The following PTPRD variants were observed in gnomAD, a reference collection of about 807,000 sequenced individuals.
The protein encoded by PTPRD is protein tyrosine phosphatase receptor type D, also known as receptor-type tyrosine-protein phosphatase delta.
PTPRD carries 34 observed loss-of-function variants against 214.5 expected under a neutral mutation model. The observed-to-expected ratio is 0.16, with a 90% CI of 0.12 to 0.21. The LOEUF (loss-of-function observed/expected upper bound fraction) is 0.21, where lower values mean the gene tolerates loss of function less well. Among genes scored for constraint, PTPRD ranks in the 10% least tolerant of loss-of-function variants. The probability of loss-of-function intolerance (pLI) is 1.00; values close to 1 mark genes in which losing one functional copy is unlikely to be tolerated. For missense variants in PTPRD, 2,545 were observed against 2,398.7 expected, an observed-to-expected ratio of 1.06 and a Z score of -1.27; for synonymous variants, 1,128 against 845.7, an observed-to-expected ratio of 1.33 and a Z score of -5.79.
chr9:8,626,563 T>C (rs2154307857), intron 14 of PTPRD, among the ~76,000 whole-genome samples: 1 of 151,968 alleles, frequency 6.6e-6, no homozygotes, highest in East Asian at 1.9e-4. Flanking sequence ...CAGGGTGTTT[T>C]TGGATGCGAT....
intron 10 of PTPRD, among the ~76,000 whole-genome samples, chr9:9,069,539 AC>A (rs1257381801): frequency 1.3e-5 from 2 of 152,128 alleles, no homozygotes; most frequent in Non-Finnish European, 2.9e-5. Context: ...TCATGATGCT[AC>A]CTTAACTGTT....
intron 34 of PTPRD, among the ~76,000 whole-genome samples, chr9:8,446,159 T>C (rs2095716033): frequency 6.6e-6 from 1 of 152,222 alleles, no homozygotes; most frequent in African/African-American, 2.4e-5. Context: ...CAACGGTGGA[T>C]GGAAATCTAA....
At chr9:8,578,676 C>A (rs2092731056) in intron 14 of PTPRD, among the ~76,000 whole-genome samples, 1 of 152,118 alleles carries the variant, frequency 6.6e-6, no homozygotes, top group African/African-American at 2.4e-5. Context: ...ATCTAAATGG[C>A]AAAGTGTTTG....
chr9:10,412,664 A>G (rs985082122), intron 2 of PTPRD, among the ~76,000 whole-genome samples: 4 of 122,024 alleles, frequency 3.3e-5, no homozygotes, highest in Non-Finnish European at 6.8e-5. Flanking sequence ...ACACACACAC[A>G]CCCCTTGAAG....
intron 37 of PTPRD, among the ~76,000 whole-genome samples, chr9:8,381,096 T>C (rs904971796): frequency 2.0e-5 from 3 of 152,192 alleles, no homozygotes; most frequent in Admixed American, 2.0e-4. Flanking sequence ...TGGGATACCA[T>C]AACTATTGCT....
At chr9:8,584,413 G>A (rs1253068295) in intron 14 of PTPRD, among the ~76,000 whole-genome samples, 1 of 151,140 alleles carries the variant, frequency 6.6e-6, no homozygotes, top group Non-Finnish European at 1.5e-5. Context: ...ATATGTGTGT[G>A]TAGTACATAT....
intron 27 of PTPRD, among the ~76,000 whole-genome samples, chr9:8,489,290 G>C (rs987798833): frequency 6.6e-6 from 1 of 152,058 alleles, no homozygotes; most frequent in Non-Finnish European, 1.5e-5. Context: ...TCTTATCCTG[G>C]GACAGAAAGG....
At chr9:9,504,124 T>C (rs778421336) in intron 8 of PTPRD, among the ~76,000 whole-genome samples, 30 of 151,862 alleles carry the variant, frequency 2.0e-4, no homozygotes, top group Non-Finnish European at 4.1e-4. Context: ...TTACAGAGTC[T>C]CTCTCTATTA....
At chr9:8,780,314 C>A (rs150024044) in intron 11 of PTPRD, among the ~76,000 whole-genome samples, 1 of 152,066 alleles carries the variant, frequency 6.6e-6, no homozygotes, top group African/African-American at 2.4e-5. Flanking sequence ...CCCTTTTCCC[C>A]GAGAGTAGGT....
intron 2 of PTPRD, among the ~76,000 whole-genome samples, chr9:10,553,835 T>C (rs776906529): frequency 6.6e-5 from 10 of 152,244 alleles, no homozygotes; most frequent in Non-Finnish European, 1.2e-4. Flanking sequence ...AATTAATATA[T>C]GTTTTTACTC....
intron 9 of PTPRD, among the ~76,000 whole-genome samples, chr9:9,275,102 A>AT (rs1356178509): frequency 1.6e-5 from 1 of 60,706 alleles, no homozygotes; most frequent in Non-Finnish European, 3.1e-5. Context: ...TTATATATAT[A>AT]ATATATTATA....
At chr9:8,776,984 C>T (rs1173633788) in intron 11 of PTPRD, among the ~76,000 whole-genome samples, 2 of 148,040 alleles carry the variant, frequency 1.4e-5, no homozygotes, top group South Asian at 2.1e-4. Flanking sequence ...TATATATATA[C>T]ATTTTTTTCT....
chr9:10,080,139 A>G (rs2098211224), intron 3 of PTPRD, among the ~76,000 whole-genome samples: 1 of 152,110 alleles, frequency 6.6e-6, no homozygotes, highest in South Asian at 2.1e-4. Context: ...CATTTAAATG[A>G]TAAGTGAAGG....
intron 3 of PTPRD, among the ~76,000 whole-genome samples, chr9:10,226,876 A>G (rs1011515455): frequency 6.6e-6 from 1 of 152,050 alleles, no homozygotes; most frequent in Admixed American, 6.6e-5. Flanking sequence ...AAATTAATGG[A>G]AAATGTTTTA....
chr9:9,103,295 G>C (rs996642752), intron 10 of PTPRD, among the ~76,000 whole-genome samples: 4 of 151,792 alleles, frequency 2.6e-5, no homozygotes, highest in Non-Finnish European at 4.4e-5. Context: ...AATAGTTTTT[G>C]TTTGTTTTTT....
chr9:10,417,138 A>G (rs1811732995), intron 2 of PTPRD, among the ~76,000 whole-genome samples: 1 of 151,830 alleles, frequency 6.6e-6, no homozygotes, highest in African/African-American at 2.4e-5. Flanking sequence ...GTGGAACTAG[A>G]TATGTTTCCA....
intron 9 of PTPRD, among the ~76,000 whole-genome samples, chr9:9,194,761 C>T (rs112870380): frequency 1.1e-4 from 16 of 152,028 alleles, no homozygotes; most frequent in African/African-American, 3.6e-4. Flanking sequence ...TCTAATAGCA[C>T]ATTGCATATT....
intron 9 of PTPRD, among the ~76,000 whole-genome samples, chr9:9,325,366 A>C (rs778534114): frequency 1.3e-5 from 2 of 151,970 alleles, no homozygotes; most frequent in Admixed American, 1.3e-4. Flanking sequence ...TTTTTATTTC[A>C]TTGAGCAGTG....
chr9:9,201,894 G>C (rs1374828639), intron 9 of PTPRD, among the ~76,000 whole-genome samples: 2 of 152,206 alleles, frequency 1.3e-5, no homozygotes, highest in African/African-American at 4.8e-5. Flanking sequence ...ACAGCAAAAA[G>C]CCCATAGTGA....
Sources: gnomAD v4.1 joint callset for allele counts (sites outside exome capture counted in the v4.1 genomes callset) on GRCh38, gnomAD v4.1.1 for gene constraint, MANE v1.5 for transcripts, NCBI Gene and HGNC (gene_info 2026-07-23, HGNC 2026-07-21) for gene names.